AGBL4: variants seen among roughly 807,000 people sequenced by gnomAD.
AGBL4 encodes the protein AGBL carboxypeptidase 4.
A neutral mutation model predicts 66.4 loss-of-function variants in AGBL4; 58 were observed. The ratio of observed to expected loss-of-function variants is 0.87; its 90% CI spans 0.71 to 1.09. The LOEUF (loss-of-function observed/expected upper bound fraction) is 1.09, where lower values mean the gene tolerates loss of function less well. Ranked by LOEUF, AGBL4 falls within the 50% of genes least tolerant of loss-of-function variation. The pLI, the probability that AGBL4 is intolerant of heterozygous loss-of-function variation, is 0.00. For synonymous variants in AGBL4, 234 were observed against 222.9 expected, an observed-to-expected ratio of 1.05 and a Z score of -0.44; for missense variants, 579 against 631.0, an observed-to-expected ratio of 0.92 and a Z score of 0.88.
chr1:50,015,991 T>A (rs894440116), intron 1 of AGBL4, among the ~76,000 whole-genome samples: 2 of 152,094 alleles, frequency 1.3e-5, no homozygotes, highest in Non-Finnish European at 2.9e-5. Context: ...GATGGATTAA[T>A]GACTTAAATG....
chr1:49,961,438 G>A lies in AGBL4; in HGVS notation c.34+62325C>T, dbSNP rs1195079133. On this transcript the variant is annotated intron_variant, in intron 1 of 13. Coordinates refer to ENST00000371839, the MANE Select transcript of AGBL4 (RefSeq NM_032785.4). The stretch of plus-strand genomic sequence containing the variant: ...GACATCACTTTGAGCCCAGGATTTA[G>A]AGGCTGCAGTAAGCTATGATCATGC... Among the ~76,000 whole-genome samples, 5 of 152,016 alleles carry A rather than the reference G, an allele frequency of 3.3e-5. No individual in the cohort carries two copies. In the East Asian group the frequency reaches 7.7e-4, roughly 24 times the overall value.
intron 6 of AGBL4, among the ~76,000 whole-genome samples, chr1:48,866,021 T>C (rs1570871522): frequency 6.6e-6 from 1 of 152,214 alleles, no homozygotes; most frequent in South Asian, 2.1e-4. Context: ...ACTAATTCTA[T>C]CTTTATTCTT....
intron 6 of AGBL4, among the ~76,000 whole-genome samples, chr1:48,737,307 A>AAAAAGAAG (rs1367690494): frequency 3.3e-5 from 5 of 152,146 alleles, no homozygotes; most frequent in African/African-American, 1.2e-4. Context: ...AAAAAAAGAA[A>AAAAAGAAG]AGAAAAAAAA....
chr1:48,680,757 A>T (rs964413479), intron 6 of AGBL4, among the ~76,000 whole-genome samples: 2 of 152,232 alleles, frequency 1.3e-5, no homozygotes, highest in African/African-American at 4.8e-5. Context: ...GGTGAGTGAC[A>T]AGGATCTCAT....
At chr1:49,255,024 A>G (rs537562065) in intron 3 of AGBL4, among the ~76,000 whole-genome samples, 1 of 152,330 alleles carries the variant, frequency 6.6e-6, no homozygotes, top group East Asian at 1.9e-4. Context: ...AAGATGGATT[A>G]AAGACTTAAA....
chr1:49,362,384 GT>G (rs1403933493), intron 3 of AGBL4, among the ~76,000 whole-genome samples: 1 of 141,938 alleles, frequency 7.0e-6, no homozygotes, highest in Non-Finnish European at 1.5e-5. Flanking sequence ...GCTCTTGTAT[GT>G]GTCAAACTTT....
At chr1:49,302,567 T>C (rs540292863) in intron 3 of AGBL4, among the ~76,000 whole-genome samples, 15 of 149,878 alleles carry the variant, frequency 1.0e-4, no homozygotes, top group African/African-American at 3.6e-4. Context: ...CATTTTATTT[T>C]ATTTTATTTT....
intron 6 of AGBL4, among the ~76,000 whole-genome samples, chr1:48,775,839 G>A (rs1326363010): frequency 1.3e-5 from 2 of 152,240 alleles, no homozygotes; most frequent in African/African-American, 4.8e-5. Context: ...AGGGATGAGA[G>A]GTCCAGTGTT....
rs12037887 is a variant in AGBL4 at position 49,613,251 on chromosome 1, G to T, written c.282+84062C>A. Among the ~76,000 whole-genome samples the T allele has an allele frequency of 8.0e-3, 1,213 of 151,936 alleles. 9 individuals carry two copies. The highest frequency in any genetic ancestry group is 0.031 in the Middle Eastern group (9 of 294). On this transcript the variant is annotated intron_variant, in intron 3 of 13. Transcript: ENST00000371839. ...CTAGATGGGGGAGGAAAAGAGTGGG[G>T]TAAGGGCTGAAAACTACCTATTGGG...
At position 49,993,326 on chromosome 1, in the gene AGBL4, T is replaced by C. The variant is rs1319493282; in HGVS notation, c.34+30437A>G. Among the ~76,000 whole-genome samples, 4 of 152,362 alleles carry C rather than the reference T, an allele frequency of 2.6e-5. No individual in the cohort carries two copies. The East Asian group carries it at 7.7e-4, about 29-fold the overall frequency. On this transcript the variant is annotated intron_variant, in intron 1 of 13. Transcript: ENST00000371839. ...TGAGATTGAGCTTTCCATTCCAAGT[T>C]CCTTGATCCAGAAATCTAGCCTTCA... is the stretch of plus-strand genomic sequence containing the variant.
intron 8 of AGBL4, among the ~76,000 whole-genome samples, chr1:48,640,019 C>T (rs1214684215): frequency 6.6e-6 from 1 of 152,122 alleles, no homozygotes; most frequent in African/African-American, 2.4e-5. Flanking sequence ...AATGCAAAAT[C>T]CTGGGTCCCT....
chr1:49,878,428 A>G (rs377627151), intron 1 of AGBL4, among the ~76,000 whole-genome samples: 1 of 151,572 alleles, frequency 6.6e-6, no homozygotes, highest in Non-Finnish European at 1.5e-5. Flanking sequence ...CCCAGTAGTC[A>G]TTCAGGAGCA....
chr1:48,962,439 A>T (rs1658077552), intron 5 of AGBL4, among the ~76,000 whole-genome samples: 1 of 152,210 alleles, frequency 6.6e-6, no homozygotes. Flanking sequence ...CAGAATGTAA[A>T]GAGCGCTTAT....
At chr1:49,015,408 T>C (rs1662738220) in intron 5 of AGBL4, among the ~76,000 whole-genome samples, 1 of 148,806 alleles carries the variant, frequency 6.7e-6, no homozygotes, top group Admixed American at 6.9e-5. Flanking sequence ...ATCTAGATGA[T>C]AGGATTTCAA....
intron 5 of AGBL4, among the ~76,000 whole-genome samples, chr1:48,933,418 A>G (rs896037061): frequency 1.3e-5 from 2 of 152,222 alleles, no homozygotes; most frequent in Non-Finnish European, 2.9e-5. Flanking sequence ...TATCATATCA[A>G]GAAGTCAGAC....
chr1:49,930,379 T>C (rs1243423037), intron 1 of AGBL4, among the ~76,000 whole-genome samples: 1 of 151,804 alleles, frequency 6.6e-6, no homozygotes, highest in Non-Finnish European at 1.5e-5. Flanking sequence ...CCACCAGACA[T>C]AAGGATAAAA....
intron 3 of AGBL4, among the ~76,000 whole-genome samples, chr1:49,461,905 T>C (rs1326411222): frequency 6.6e-6 from 1 of 151,808 alleles, no homozygotes; most frequent in Non-Finnish European, 1.5e-5. Flanking sequence ...GACTTTGCTA[T>C]TGTGAACAAT....
intron 4 of AGBL4, among the ~76,000 whole-genome samples, chr1:49,103,875 A>G (rs1028529555): frequency 3.3e-5 from 5 of 152,170 alleles, no homozygotes; most frequent in African/African-American, 1.2e-4. Flanking sequence ...CATATTCATC[A>G]TAATCCCCCC....
intron 5 of AGBL4, among the ~76,000 whole-genome samples, chr1:49,005,022 T>C (rs1173692761): frequency 6.6e-6 from 1 of 152,148 alleles, no homozygotes; most frequent in African/African-American, 2.4e-5. Flanking sequence ...GACATGGGAA[T>C]GGGTATAGGC....
Sources: gnomAD v4.1 joint callset for allele counts (sites outside exome capture counted in the v4.1 genomes callset) on GRCh38, gnomAD v4.1.1 for gene constraint, MANE v1.5 for transcripts, NCBI Gene and HGNC (gene_info 2026-07-23, HGNC 2026-07-21) for gene names.